Variants in VWF observed in about 807,000 individuals in gnomAD.
The protein encoded by VWF is Factor VIII related antigen.
In VWF, 176 loss-of-function variants were observed where a neutral mutation model predicts 308.6. The ratio of observed to expected loss-of-function variants is 0.57; its 90% CI spans 0.50 to 0.65. VWF has a LOEUF of 0.65. Ranked by LOEUF, VWF falls within the 30% of genes least tolerant of loss-of-function variation. The probability of loss-of-function intolerance (pLI) is 0.00; values close to 1 mark genes in which losing one functional copy is unlikely to be tolerated. For synonymous variants in VWF, 1,385 were observed against 1,443.4 expected (o/e 0.96, Z 0.92); for missense variants, 3,146 against 3,648.2 (o/e 0.86, Z 3.55).
At chr12:6,080,359 CGGGT>C (rs1449365283) in intron 6 of VWF, among the ~76,000 whole-genome samples, 1 of 152,208 alleles carries the variant, frequency 6.6e-6, no homozygotes, top group Non-Finnish European at 1.5e-5. Context: ...CTACCTGAAC[CGGGT>C]GTTTCCATGG....
intron 40 of VWF, among the ~76,000 whole-genome samples, chr12:5,983,993 TAG>T (rs2136374214): frequency 8.8e-6 from 1 of 113,312 alleles, no homozygotes; most frequent in South Asian, 3.2e-4. Flanking sequence ...GATAGATAGA[TAG>T]ATAGATAGAT....
At position 6,016,741 on chromosome 12, in the gene VWF, C is replaced by T; in HGVS notation, c.5170+13G>A. The T allele has an allele frequency of 6.2e-7, 1 of 1,614,238 alleles. No individual in the cohort carries two copies. Among genetic ancestry groups the T allele is most frequent in the Non-Finnish European group, 8.5e-7 (1 of 1,180,044 alleles). On this transcript the variant is annotated intron_variant, in intron 29 of 51. Transcript: ENST00000261405. ...CTTCGTCACCTGCTGCTTCAGGTGCCTCGCTCACCCACCTATATTGGCTTT... is the reference window on the plus strand; with the variant it reads ...CTTCGTCACCTGCTGCTTCAGGTGCTTCGCTCACCCACCTATATTGGCTTT...
intron 17 of VWF, among the ~76,000 whole-genome samples, chr12:6,045,472 G>C (rs551358279): frequency 6.6e-6 from 1 of 152,354 alleles, no homozygotes; most frequent in South Asian, 2.1e-4. Context: ...GTAGGTCTGA[G>C]AGGCAGAATG....
intron 5 of VWF, among the ~76,000 whole-genome samples, chr12:6,101,790 A>G (rs2136508439): frequency 6.6e-6 from 1 of 152,252 alleles, no homozygotes. Flanking sequence ...GAAAAAAATA[A>G]TAATAATAAA....
chr12:6,058,165 T>A lies in VWF; in HGVS notation c.1534-121A>T. ...TCCCCGGGTGAAACATAAATATGAA[T>A]GTAATAAAAGGCAGCTAAGCCCTAG... On this transcript the variant is annotated intron_variant, in intron 13 of 51. Coordinates refer to ENST00000261405, the MANE Select transcript of VWF (RefSeq NM_000552.5). This position sits in a 1 kb window ranked among gnomAD's most constrained non-coding sequence, Gnocchi z 4.9. The A allele has an allele frequency of 2.0e-6, 2 of 998,212 alleles. No homozygotes were observed. The highest frequency in any genetic ancestry group is 2.9e-6 in the Non-Finnish European group (2 of 692,570). 61.8% of individuals were successfully genotyped at this position (998,212 alleles called of 1,614,324 possible).
At position 6,012,682 on chromosome 12, in the gene VWF, CGT is replaced by C. The variant is rs139765093; in HGVS notation, c.5621-554_5621-553del. On this transcript the variant is annotated intron_variant, in intron 32 of 51. Coordinates refer to ENST00000261405, the MANE Select transcript of VWF (RefSeq NM_000552.5). ...ACCCAGGCCCCCGCCACAAAAAAAG[CGT>C]GTGTGTGTGTGTGTGTGTATTTTTT... Among the ~76,000 whole-genome samples the C allele has an allele frequency of 1.4e-3, 208 of 143,800 alleles. 1 individual carries two copies. The highest frequency in any genetic ancestry group is 4.7e-3 in the African/African-American group (180 of 38,094). The allele number at this position is 143,800 out of a possible 152,430, so 94.3% of individuals were successfully genotyped here.
At chr12:5,981,110 T>C (rs987607115) in intron 42 of VWF, among the ~76,000 whole-genome samples, 4 of 152,248 alleles carry the variant, frequency 2.6e-5, no homozygotes, top group Admixed American at 6.5e-5. Flanking sequence ...CCATAGCACC[T>C]AGCACAGTGC....
chr12:6,081,755 T>C (rs1944913634), intron 6 of VWF, among the ~76,000 whole-genome samples: 1 of 152,192 alleles, frequency 6.6e-6, no homozygotes, highest in African/African-American at 2.4e-5. Context: ...TTTGCAATTT[T>C]TTCTCTCACT....
At chr12:6,086,650 T>C (rs1944976045) in intron 6 of VWF, among the ~76,000 whole-genome samples, 1 of 152,182 alleles carries the variant, frequency 6.6e-6, no homozygotes, top group Admixed American at 6.5e-5. Context: ...AAGGCAGAAG[T>C]GGGCCTAGAC....
chr12:6,034,860 G>T (rs763040050), intron 19 of VWF, 34 bp from the exon 20 acceptor site: 6 of 1,611,726 alleles, frequency 3.7e-6, no homozygotes, highest in Non-Finnish European at 5.1e-6. Flanking sequence ...GACAAGTTGG[G>T]CACCTTGGGT....
In VWF at chr12:5,949,755, C is replaced by T. The variant is rs116425274; in HGVS notation, c.8253+31G>A. ...CCGAACACGGAGGCTCAGCCCTCCACACCCAGCCCTTATTGAAGCAGAGCC... is the reference window on the plus strand; with the variant it reads ...CCGAACACGGAGGCTCAGCCCTCCATACCCAGCCCTTATTGAAGCAGAGCC... On this transcript the variant is annotated intron_variant, in intron 51 of 51. Coordinates refer to ENST00000261405, the MANE Select transcript of VWF (RefSeq NM_000552.5). The T allele has an allele frequency of 1.0e-3, 1,630 of 1,606,398 alleles. 6 individuals are homozygous for T. In the African/African-American group the frequency reaches 0.016, roughly 16 times the overall value.
rs773625561 is a variant in VWF, at chr12:5,981,971, T to C, written c.7102A>G (p.Lys2368Glu). 1 of 1,613,822 alleles carries C rather than the reference T, an allele frequency of 6.2e-7. No individual in the cohort carries two copies. Among genetic ancestry groups the C allele is most frequent in the Non-Finnish European group, 8.5e-7 (1 of 1,179,986 alleles). Reference protein sequence around the residue: ...FTCACRKEECKRVSPPSCPPH... With the variant: ...FTCACRKEECERVSPPSCPPH... ...GGGCAGGAGGGTGGGGACACTCTTT[T>C]GCACTCCTCCTTCCTGCAGGCTGAG... Residue 2368 changes from lysine (K) to glutamate (E), a missense_variant, in exon 42 of 52, where the codon AAA becomes GAA. By Grantham distance (56) the Lys-to-Glu change is moderately conservative (BLOSUM62 1). Transcript: ENST00000261405.
chr12:5,988,211 C>A (rs1353177327), intron 38 of VWF, among the ~76,000 whole-genome samples: 1 of 152,156 alleles, frequency 6.6e-6, no homozygotes, highest in Admixed American at 6.5e-5. Context: ...ACAGGTGAGG[C>A]AGGTGGCTGA....
rs1273444933 is a variant in VWF, at chr12:5,994,569, C to T, written c.6102G>A (p.Val2034=). The change falls in exon 36 of 52, where the codon GTG becomes GTA. Residue 2034 remains valine (V), a synonymous_variant. Coordinates refer to ENST00000261405, the MANE Select transcript of VWF (RefSeq NM_000552.5). The stretch of plus-strand genomic sequence containing the variant: ...AAACGTTGACTTCCATGTTCCCACC[C>T]ACGTAAGGAACAGAGACCAGTCTCC... ...VNGRLVSVPY[V]GGNMEVNVYG... The T allele has an allele frequency of 6.2e-7, 1 of 1,613,766 alleles. No homozygotes were observed. The highest frequency in any genetic ancestry group is 1.3e-5 in the African/African-American group (1 of 74,880).
At chr12:5,983,073 G>C (rs1351601070) in intron 41 of VWF, 77 bp downstream of exon 41, 1 of 1,395,076 alleles carries the variant, frequency 7.2e-7, no homozygotes, top group African/African-American at 1.4e-5. Context: ...TCTTGGAAGA[G>C]GTCCCTGAGG....
At chr12:6,002,617 C>T (rs1477000490) in intron 34 of VWF, among the ~76,000 whole-genome samples, 1 of 151,840 alleles carries the variant, frequency 6.6e-6, no homozygotes, top group Admixed American at 6.6e-5. Flanking sequence ...ATCTTAAGCA[C>T]ACCAATTTAC....
intron 31 of VWF, among the ~76,000 whole-genome samples, chr12:6,013,850 G>A (rs1365768344): frequency 2.0e-5 from 3 of 152,158 alleles, no homozygotes; most frequent in Non-Finnish European, 4.4e-5. Context: ...TAGGGGTACA[G>A]CAGTGAACCA....
At chr12:6,108,112 G>C (rs1392914598) in intron 5 of VWF, among the ~76,000 whole-genome samples, 1 of 151,754 alleles carries the variant, frequency 6.6e-6, no homozygotes. Flanking sequence ...TGGCCAACAT[G>C]CTGAAACCTC....
intron 1 of VWF, among the ~76,000 whole-genome samples, chr12:6,124,138 C>T (rs1945461733): frequency 6.6e-6 from 1 of 152,178 alleles, no homozygotes; most frequent in Non-Finnish European, 1.5e-5. Flanking sequence ...GTACATTCAG[C>T]TGCTCCCAGG....
Sources: allele counts gnomAD v4.1 joint callset (sites outside exome capture counted in the v4.1 genomes callset), GRCh38; gene constraint gnomAD v4.1.1; non-coding constraint Gnocchi (gnomAD v3.1); transcripts MANE v1.5; gene names NCBI Gene and HGNC (gene_info 2026-07-23, HGNC 2026-07-21).